The following MOCS2 variants were observed in gnomAD, a reference collection of about 807,000 sequenced individuals.
MOCS2 encodes molybdopterin synthase catalytic subunit.
A neutral mutation model predicts 21.9 loss-of-function variants in MOCS2; 13 were observed. The ratio of observed to expected loss-of-function variants is 0.59; its 90% CI spans 0.39 to 0.94. MOCS2 has a LOEUF of 0.94. Ranked by LOEUF, MOCS2 falls within the 40% of genes least tolerant of loss-of-function variation. The pLI is 0.00. For synonymous variants in MOCS2, 92 were observed against 80.8 expected, an observed-to-expected ratio of 1.14 and a Z score of -0.74; for missense variants, 227 against 218.3, an observed-to-expected ratio of 1.04 and a Z score of -0.25.
intron 3 of MOCS2, among the ~76,000 whole-genome samples, chr5:53,104,436 A>G (rs192680477): frequency 6.6e-6 from 1 of 152,324 alleles, no homozygotes; most frequent in African/African-American, 2.4e-5. Context: ...TTTTCAAAGA[A>G]CAGCTGTAAT....
rs1740796366 is a variant in MOCS2, at chr5:53,098,102, TTAATA to T, written c.*495_*499del. 6.6e-6 allele frequency: 1 copy of T among 152,638 alleles called. No homozygotes were observed. Among genetic ancestry groups the T allele is most frequent in the South Asian group, 2.1e-4 (1 of 4,862 alleles). The allele number at this position is 152,638 out of a possible 1,614,324, so 9.5% of individuals were successfully genotyped here. A position where few individuals can be genotyped will look rare whatever the true frequency, so the allele number is the denominator to read the frequency against. ...AATCATGGGTTTTAGTTTATTATTT[TTAATA>T]TATTTCTGAAAATGTATAATATCAA... On this transcript the variant is annotated 3_prime_UTR_variant, in exon 7 of 7. Coordinates refer to ENST00000396954, the MANE Select transcript of MOCS2 (RefSeq NM_004531.5).
At chr5:53,100,915 G>C (rs1740891222) in intron 5 of MOCS2, 1 of 301,130 alleles carries the variant, frequency 3.3e-6, no homozygotes. Context: ...AGTAATAGGA[G>C]TGATAATAAC....
At chr5:53,102,501 T>A (rs1299372722) in intron 3 of MOCS2, among the ~76,000 whole-genome samples, 1 of 152,146 alleles carries the variant, frequency 6.6e-6, no homozygotes, top group Non-Finnish European at 1.5e-5. Flanking sequence ...GATACAATGA[T>A]ACAAAGTTTC....
intron 6 of MOCS2, among the ~76,000 whole-genome samples, chr5:53,099,860 G>C (rs1454071639): frequency 2.0e-5 from 3 of 152,208 alleles, no homozygotes; most frequent in Non-Finnish European, 4.4e-5. Context: ...AAACTAGGGA[G>C]TTGGGCCTTT....
At chr5:53,106,796 T>C (rs1299497806) in intron 3 of MOCS2, among the ~76,000 whole-genome samples, 1 of 152,190 alleles carries the variant, frequency 6.6e-6, no homozygotes, top group Non-Finnish European at 1.5e-5. Flanking sequence ...TGGATATTAA[T>C]ATGTCACTGT....
At chr5:53,101,721 T>G (rs953009784) in intron 4 of MOCS2, among the ~76,000 whole-genome samples, 1 of 152,222 alleles carries the variant, frequency 6.6e-6, no homozygotes, top group African/African-American at 2.4e-5. Context: ...GAGCACTGAT[T>G]AAGCAAGCTT....
At chr5:53,107,298 T>C (rs1741077750) in intron 2 of MOCS2, 77 bp from the exon 3 acceptor site, 1 of 1,312,954 alleles carries the variant, frequency 7.6e-7, no homozygotes, top group Middle Eastern at 1.9e-4. Flanking sequence ...ATTAGAGATA[T>C]TACATAGATA....
intron 6 of MOCS2, 65 bp from the exon 7 acceptor site, chr5:53,098,732 T>C: frequency 2.6e-6 from 3 of 1,142,426 alleles, no homozygotes; most frequent in Non-Finnish European, 2.6e-6. Flanking sequence ...ATAAAATATA[T>C]TTGAATAAAT....
intron 3 of MOCS2, among the ~76,000 whole-genome samples, 190 bp downstream of exon 3, chr5:53,106,887 A>G (rs1407896893): frequency 6.6e-6 from 1 of 152,188 alleles, no homozygotes; most frequent in Non-Finnish European, 1.5e-5. Context: ...AACTGCTTAC[A>G]ATAGACTTGA....
intron 3 of MOCS2, 101 bp downstream of exon 3, chr5:53,106,976 C>A: frequency 7.5e-7 from 1 of 1,336,832 alleles, no homozygotes; most frequent in South Asian, 1.3e-5. Flanking sequence ...TTGGTACAGA[C>A]AGACTTACAA....
chr5:53,104,952 A>G (rs1424882885), intron 3 of MOCS2, among the ~76,000 whole-genome samples: 2 of 152,162 alleles, frequency 1.3e-5, no homozygotes, highest in Non-Finnish European at 2.9e-5. Context: ...GTCTGTACTT[A>G]TAAGAAGCCT....
intron 3 of MOCS2, among the ~76,000 whole-genome samples, chr5:53,103,419 A>T (rs549638622): frequency 6.6e-6 from 1 of 152,316 alleles, no homozygotes; most frequent in African/African-American, 2.4e-5. Context: ...CCAACAAAAA[A>T]GGAAGAACAG....
chr5:53,100,311 C>G, intron 6 of MOCS2, 100 bp downstream of exon 6: 1 of 1,323,580 alleles, frequency 7.6e-7, no homozygotes, highest in South Asian at 1.2e-5. Context: ...AAACAAGATA[C>G]TACAGTCAGT....
At chr5:53,105,889 A>C (rs1741036399) in intron 3 of MOCS2, among the ~76,000 whole-genome samples, 1 of 152,216 alleles carries the variant, frequency 6.6e-6, no homozygotes, top group African/African-American at 2.4e-5. Flanking sequence ...GAGAAAAAAC[A>C]ACCCCAATAA....
chr5:53,102,131 A>C lies in MOCS2; in HGVS notation c.192T>G (p.Ile64Met). 6.2e-7 allele frequency: 1 copy of C among 1,613,870 alleles called. No homozygotes were observed. Among genetic ancestry groups the C allele is most frequent in the Non-Finnish European group, 8.5e-7 (1 of 1,179,840 alleles). ...GGGATATTGCACCACAGAGCGGAGAAATCACCAACTGTGAGACTTCATCTA... is the reference window on the plus strand; with the variant it reads ...GGGATATTGCACCACAGAGCGGAGACATCACCAACTGTGAGACTTCATCTA... ...LSVDEVSQLV[I>M]SPLCGAISLF... The change falls in exon 4 of 7, where the codon ATT becomes ATG. Residue 64 changes from isoleucine to methionine, a missense_variant. Transcript: ENST00000396954.
In MOCS2 at chr5:53,096,208, T is replaced by A. The variant is rs1338275772; in HGVS notation, c.*2394A>T. 6.6e-6 allele frequency: 1 copy of A among 152,220 alleles called. No homozygotes were observed. Among genetic ancestry groups the A allele is most frequent in the African/African-American group, 2.4e-5 (1 of 41,458 alleles). 9.4% of individuals were successfully genotyped at this position (152,220 alleles called of 1,614,324 possible). A position where few individuals can be genotyped will look rare whatever the true frequency, so the allele number is the denominator to read the frequency against. Reference sequence around the variant, plus strand: ...CCAGGTGCTCAGTAACTGTGTAAGATGTCTAAATCACTTATTTCTCAAAAA... The same window carrying A: ...CCAGGTGCTCAGTAACTGTGTAAGAAGTCTAAATCACTTATTTCTCAAAAA... On this transcript the variant is annotated 3_prime_UTR_variant, in exon 7 of 7. Transcript: ENST00000396954.
rs185089601 is a variant in MOCS2 at position 53,099,415 on chromosome 5, C to T, written c.502-748G>A. ...CCTGCCTTCCAGGCTTGCAGCTGAT[C>T]TTAGAATGCTCTTCCTACCTCTCGC... is the stretch of plus-strand genomic sequence containing the variant. On this transcript the variant is annotated intron_variant, in intron 6 of 6. Transcript: ENST00000396954. 4.9e-3 allele frequency among the ~76,000 whole-genome samples: 751 copies of T among 152,302 alleles called. 9 individuals are homozygous for T. The highest frequency in any genetic ancestry group is 5.6e-3 in the Non-Finnish European group (379 of 68,028).
At chr5:53,108,713 TC>T in intron 1 of MOCS2, 70 bp from the exon 2 acceptor site, 2 of 1,504,356 alleles carry the variant, frequency 1.3e-6, no homozygotes, top group Non-Finnish European at 1.8e-6. Flanking sequence ...TGAGCAGTTT[TC>T]TCATTTTCCA....
Position 53,109,552 on chromosome 5 carries a change from G to GGCGGGC in MOCS2, c.-472_-471insGCCCGC. On this transcript the variant is annotated 5_prime_UTR_variant, in exon 1 of 7. Coordinates refer to ENST00000396954, the MANE Select transcript of MOCS2 (RefSeq NM_004531.5). ...AGCCCGGAGACAGGAAGGGCCCGGG[G>GGCGGGC]GCGGGGGCGGGGGCGCCCCCGAACC... 1 of 1,397,028 alleles carries GGCGGGC rather than the reference G, an allele frequency of 7.2e-7. No homozygotes were observed. Among genetic ancestry groups the GGCGGGC allele is most frequent in the Non-Finnish European group, 9.3e-7 (1 of 1,074,506 alleles). The allele number at this position is 1,397,028 out of a possible 1,614,324, so 86.5% of individuals were successfully genotyped here.
Sources: allele counts gnomAD v4.1 joint callset (sites outside exome capture counted in the v4.1 genomes callset), GRCh38; gene constraint gnomAD v4.1.1; transcripts MANE v1.5; gene names NCBI Gene and HGNC (gene_info 2026-07-23, HGNC 2026-07-21).